Variants in XKR9 observed in about 807,000 individuals in gnomAD.
XKR9 encodes the protein XK related 9.
XKR9 carries 32 observed loss-of-function variants against 32.0 expected under a neutral mutation model. That is an observed-to-expected ratio of 1.00 (90% CI 0.76 to 1.34). The LOEUF is 1.34. XKR9 is among the 40% of genes most tolerant of loss of function. XKR9 has a pLI of 0.00. For synonymous variants in XKR9, 168 were observed against 143.4 expected, an observed-to-expected ratio of 1.17 and a Z score of -1.22; for missense variants, 546 against 429.7, an observed-to-expected ratio of 1.27 and a Z score of -2.39.
chr8:70,763,254 G>C (rs1351187133), intron 2 of XKR9, among the ~76,000 whole-genome samples: 1 of 152,182 alleles, frequency 6.6e-6, no homozygotes, highest in Non-Finnish European at 1.5e-5. Context: ...CTCTACTTCA[G>C]AAGCATGATG....
chr8:70,773,403 G>A (rs1807479357), intron 2 of XKR9, among the ~76,000 whole-genome samples: 1 of 152,176 alleles, frequency 6.6e-6, no homozygotes, highest in Non-Finnish European at 1.5e-5. Flanking sequence ...TGGTCATAGA[G>A]CATAGAGCAA....
the XKR9 span, among the ~76,000 whole-genome samples, chr8:71,004,162 T>C: frequency 1.1e-4 from 17 of 152,158 alleles, no homozygotes; most frequent in African/African-American, 3.6e-4. Context: ...TGAACTTCCA[T>C]TGAGGTACTG....
intron 2 of XKR9, among the ~76,000 whole-genome samples, chr8:70,773,030 A>G (rs952437677): frequency 2.0e-5 from 3 of 152,218 alleles, no homozygotes; most frequent in African/African-American, 7.2e-5. Flanking sequence ...TATACATGTA[A>G]TGTAGATGTA....
At chr8:70,939,045 C>G in the XKR9 span, among the ~76,000 whole-genome samples, 1 of 151,418 alleles carries the variant, frequency 6.6e-6, no homozygotes, top group Non-Finnish European at 1.5e-5. Flanking sequence ...TCATCATTGA[C>G]AGCTATCATG....
intron 2 of XKR9, among the ~76,000 whole-genome samples, chr8:70,761,903 T>TA (rs1441733035): frequency 6.6e-6 from 1 of 151,976 alleles, no homozygotes; most frequent in African/African-American, 2.4e-5. Flanking sequence ...AGTTTCAATT[T>TA]TTTTTTGCAT....
the XKR9 span, among the ~76,000 whole-genome samples, chr8:70,986,527 A>G: frequency 5.9e-5 from 9 of 152,174 alleles, no homozygotes; most frequent in Non-Finnish European, 1.3e-4. Context: ...CAGTGAATCA[A>G]TCTCTTTCTC....
At chr8:70,920,481 A>G in the XKR9 span, among the ~76,000 whole-genome samples, 49 of 152,044 alleles carry the variant, frequency 3.2e-4, no homozygotes, top group South Asian at 1.2e-3. Context: ...ATATTTTTTG[A>G]TCATAAAAAA....
chr8:71,022,132 T>C, the XKR9 span, among the ~76,000 whole-genome samples: 3 of 152,250 alleles, frequency 2.0e-5, no homozygotes, highest in Non-Finnish European at 4.4e-5. Context: ...TTCTCAAAGA[T>C]TGGACAACTG....
chr8:70,940,350 T>C, the XKR9 span, among the ~76,000 whole-genome samples: 4 of 152,070 alleles, frequency 2.6e-5, no homozygotes, highest in Admixed American at 2.0e-4. Context: ...TTATATACTT[T>C]ATGATCAGCA....
At chr8:70,753,884 C>T (rs1008688454) in intron 2 of XKR9, among the ~76,000 whole-genome samples, 1 of 148,096 alleles carries the variant, frequency 6.8e-6, no homozygotes, top group Admixed American at 7.0e-5. Context: ...CTCACCACTC[C>T]TATTCAACAT....
At chr8:70,717,241 C>G (rs1806123454) in intron 4 of XKR9, among the ~76,000 whole-genome samples, 1 of 152,160 alleles carries the variant, frequency 6.6e-6, no homozygotes, top group African/African-American at 2.4e-5. Context: ...AGGATGGTGG[C>G]TGTCTTCTCA....
chr8:70,740,609 G>C (rs536722529), downstream of XKR9, among the ~76,000 whole-genome samples: 2 of 151,848 alleles, frequency 1.3e-5, no homozygotes, highest in South Asian at 4.2e-4. Flanking sequence ...ATCTACTTTT[G>C]GTCTTTGATG....
intron 2 of XKR9, among the ~76,000 whole-genome samples, chr8:70,772,602 T>C (rs1807468049): frequency 6.6e-6 from 1 of 152,330 alleles, no homozygotes; most frequent in East Asian, 1.9e-4. Flanking sequence ...AAATGAATAC[T>C]GTGTAAGGTT....
At chr8:70,669,857 C>T (rs973891108) in intron 1 of XKR9, among the ~76,000 whole-genome samples, 2 of 151,286 alleles carry the variant, frequency 1.3e-5, no homozygotes, top group African/African-American at 4.9e-5. Context: ...TAGTAGAGAC[C>T]GGGTTTCATT....
the XKR9 span, among the ~76,000 whole-genome samples, chr8:71,051,982 C>A: frequency 6.6e-6 from 1 of 152,180 alleles, no homozygotes; most frequent in East Asian, 1.9e-4. Context: ...GCCTTTCAGG[C>A]ACCAGGAGCA....
the XKR9 span, among the ~76,000 whole-genome samples, chr8:70,944,531 T>G: frequency 1.2e-4 from 19 of 152,192 alleles, no homozygotes; most frequent in Non-Finnish European, 5.9e-5. Flanking sequence ...CAAATACATC[T>G]TATCTTGTTT....
At chr8:70,731,844 A>T (rs1806677278) in intron 4 of XKR9, among the ~76,000 whole-genome samples, 1 of 152,194 alleles carries the variant, frequency 6.6e-6, no homozygotes, top group Admixed American at 6.5e-5. Context: ...ATTCCTTCTG[A>T]GATCCCCTCC....
intron 2 of XKR9, among the ~76,000 whole-genome samples, chr8:70,781,282 T>C (rs7013495): frequency 0.54 from 81,290 of 151,588 alleles, 22,744 homozygotes; most frequent in Middle Eastern, 0.62. Flanking sequence ...GTCTCTTTAT[T>C]GATGAATTGT....
intron 2 of XKR9, among the ~76,000 whole-genome samples, chr8:70,757,965 T>G (rs1336880155): frequency 6.6e-6 from 1 of 152,200 alleles, no homozygotes; most frequent in Non-Finnish European, 1.5e-5. Flanking sequence ...GACAGGAAAT[T>G]TATGTTGTCT....
Sources: allele counts gnomAD v4.1 joint callset (sites outside exome capture counted in the v4.1 genomes callset), GRCh38; gene constraint gnomAD v4.1.1; transcripts MANE v1.5; gene names NCBI Gene and HGNC (gene_info 2026-07-23, HGNC 2026-07-21).